RBFOX1: variants seen among roughly 807,000 people sequenced by gnomAD.
RBFOX1 encodes the protein RNA binding protein fox-1 homolog 1.
RBFOX1 carries 8 observed loss-of-function variants against 57.7 expected under a neutral mutation model. That is an observed-to-expected ratio of 0.14 (90% CI 0.08 to 0.25). The LOEUF is 0.25. RBFOX1 is among the 10% of genes least tolerant of loss of function. The pLI, the probability that RBFOX1 is intolerant of heterozygous loss-of-function variation, is 1.00. For synonymous variants in RBFOX1, 326 were observed against 222.4 expected (o/e 1.47, Z -4.15); for missense variants, 611 against 548.5 (o/e 1.11, Z -1.14).
intron 1 of RBFOX1, among the ~76,000 whole-genome samples, chr16:6,249,805 A>C (rs1205978428): frequency 7.5e-6 from 1 of 133,638 alleles, no homozygotes; most frequent in Non-Finnish European, 1.6e-5. Context: ...TTTAAGTTTT[A>C]GGGTACGTGT....
intron 3 of RBFOX1, among the ~76,000 whole-genome samples, chr16:6,661,787 C>T (rs1190174400): frequency 6.6e-6 from 1 of 152,200 alleles, no homozygotes; most frequent in Non-Finnish European, 1.5e-5. Flanking sequence ...ATGCAACTGT[C>T]TCTTTGAAAT....
At chr16:6,549,537 A>G (rs1375004885) in intron 2 of RBFOX1, among the ~76,000 whole-genome samples, 47 of 55,178 alleles carry the variant, frequency 8.5e-4, no homozygotes, top group South Asian at 7.5e-3. Flanking sequence ...GAGGAGGAGG[A>G]GGGGAGGAGG....
At chr16:5,411,298 G>A (rs1014142639) in intron 1 of RBFOX1, among the ~76,000 whole-genome samples, 28 of 152,340 alleles carry the variant, frequency 1.8e-4, no homozygotes, top group African/African-American at 6.3e-4. Flanking sequence ...CTGGGTGAGT[G>A]CAGTGAAATC....
chr16:7,634,978 G>T (rs78326452), intron 11 of RBFOX1, among the ~76,000 whole-genome samples: 1 of 152,152 alleles, frequency 6.6e-6, no homozygotes, highest in South Asian at 2.1e-4. Context: ...TAACAGAAAG[G>T]TTTAGTGAAA....
chr16:5,967,128 GT>G (rs1376153246), intron 4 of RBFOX1, among the ~76,000 whole-genome samples: 3 of 152,110 alleles, frequency 2.0e-5, no homozygotes, highest in Non-Finnish European at 4.4e-5. Flanking sequence ...GCAGAGTTGG[GT>G]AGTTGCAACA....
intron 4 of RBFOX1, among the ~76,000 whole-genome samples, chr16:7,176,209 A>G (rs2081614778): frequency 9.3e-6 from 1 of 107,552 alleles, no homozygotes; most frequent in South Asian, 3.4e-4. Flanking sequence ...AAACTGTAAA[A>G]TGAGATTAAT....
In RBFOX1 at chr16:5,977,713, G is replaced by C. The variant is rs138347935; in HGVS notation, c.351+110378G>C. ...CTGTTTTGAACTGCAAGAAAAGTTA[G>C]AAGAGTGCTCCAATCCAAAGATACA... On this transcript the variant is annotated intron_variant, in intron 4 of 19. Coordinates refer to the RBFOX1 transcript ENST00000641259. Among the ~76,000 whole-genome samples, 464 of 152,228 alleles carry C rather than the reference G, an allele frequency of 3.0e-3. 1 individual carries two copies. The highest frequency in any genetic ancestry group is 0.01 in the African/African-American group (424 of 41,544).
chr16:5,505,257 G>A (rs2043341338), intron 2 of RBFOX1, among the ~76,000 whole-genome samples: 2 of 152,170 alleles, frequency 1.3e-5, no homozygotes, highest in African/African-American at 2.4e-5. Flanking sequence ...TGTGCTTAAC[G>A]CAGGGGGCGT....
intron 4 of RBFOX1, among the ~76,000 whole-genome samples, chr16:7,230,835 G>C (rs1260589805): frequency 1.3e-5 from 2 of 152,190 alleles, no homozygotes; most frequent in African/African-American, 4.8e-5. Context: ...CTGCAGAGCT[G>C]ATACTGCAGA....
intron 3 of RBFOX1, among the ~76,000 whole-genome samples, chr16:6,892,273 A>G (rs1303983580): frequency 6.6e-6 from 1 of 152,152 alleles, no homozygotes; most frequent in African/African-American, 2.4e-5. Context: ...TAACGAATGT[A>G]TTTTAGACAA....
chr16:7,279,138 T>C (rs1203979711), intron 4 of RBFOX1, among the ~76,000 whole-genome samples: 3 of 151,886 alleles, frequency 2.0e-5, no homozygotes, highest in Non-Finnish European at 4.4e-5. Context: ...TTCTTTCTTT[T>C]TTTTTTAAAC....
At position 6,713,875 on chromosome 16, in the gene RBFOX1, C is replaced by G. The variant is rs923254457; in HGVS notation, c.-16+59225C>G. Reference sequence around the variant, plus strand: ...CTTGGTAAGACTTGGGGACTGATAGCATGTGGAGAATTTGGACAGGAAGAT... The same window carrying G: ...CTTGGTAAGACTTGGGGACTGATAGGATGTGGAGAATTTGGACAGGAAGAT... On this transcript the variant is annotated intron_variant, in intron 3 of 15. Transcript: ENST00000550418. Among the ~76,000 whole-genome samples the G allele has an allele frequency of 2.0e-5, 3 of 152,154 alleles. No homozygotes were observed. In the South Asian group the frequency reaches 6.2e-4, roughly 32 times the overall value.
chr16:5,393,556 CT>C, intron 1 of RBFOX1, among the ~76,000 whole-genome samples: 1 of 152,328 alleles, frequency 6.6e-6, no homozygotes, highest in South Asian at 2.1e-4. Context: ...GGATTTTGTC[CT>C]GCTCAATGGC....
intron 4 of RBFOX1, among the ~76,000 whole-genome samples, chr16:7,202,972 G>C (rs939333812): frequency 6.6e-5 from 10 of 152,236 alleles, no homozygotes; most frequent in Admixed American, 2.0e-4. Context: ...ATTTTTAGTA[G>C]AGATGGGATT....
rs1181614275 is a variant in RBFOX1, at chr16:6,819,705, C to CAAAAAAAAAAAA, written c.-16+165070_-16+165081dup. On this transcript the variant is annotated intron_variant, in intron 3 of 15. Coordinates refer to ENST00000550418, the MANE Select transcript of RBFOX1 (RefSeq NM_018723.4). ...GGGCAACAAGAGTGAAACTCTGACT[C>CAAAAAAAAAAAA]AAAAAAAAAAAAAAAAAAAAAAAAA... is the stretch of plus-strand genomic sequence containing the variant. Among the ~76,000 whole-genome samples, 3 of 20,632 alleles carry CAAAAAAAAAAAA rather than the reference C, an allele frequency of 1.5e-4. 1 individual carries two copies. Among genetic ancestry groups the CAAAAAAAAAAAA allele is most frequent in the Admixed American group, 1.6e-3 (2 of 1,242 alleles). The allele number at this position is 20,632 out of a possible 152,430, so 13.5% of individuals were successfully genotyped here.
At chr16:7,017,798 G>GGT (rs1172627787) in intron 3 of RBFOX1, among the ~76,000 whole-genome samples, 1 of 152,096 alleles carries the variant, frequency 6.6e-6, no homozygotes, top group Non-Finnish European at 1.5e-5. Context: ...AGAACATCGT[G>GGT]GTGTGCTTAA....
intron 3 of RBFOX1, among the ~76,000 whole-genome samples, chr16:5,690,812 T>A (rs2151458852): frequency 6.6e-6 from 1 of 152,294 alleles, no homozygotes; most frequent in East Asian, 1.9e-4. Flanking sequence ...TAGGCTGAAG[T>A]TTCCTGATGA....
chr16:7,004,424 G>T (rs768907317), intron 3 of RBFOX1, among the ~76,000 whole-genome samples: 1 of 152,148 alleles, frequency 6.6e-6, no homozygotes, highest in African/African-American at 2.4e-5. Context: ...AAGCTGGTCA[G>T]CATTTGGCTC....
chr16:7,710,666 C>A lies in RBFOX1; in HGVS notation c.1115C>A (p.Ala372Asp). 6.2e-7 allele frequency: 1 copy of A among 1,613,530 alleles called. No individual in the cohort carries two copies. Among genetic ancestry groups the A allele is most frequent in the Non-Finnish European group, 8.5e-7 (1 of 1,179,706 alleles). Reference sequence around the variant, plus strand: ...ACTGATGCCAAGACTAGGAGCCATGCTGATGATGTGGGTCTCGTTCTTTCT... The same window carrying A: ...ACTGATGCCAAGACTAGGAGCCATGATGATGATGTGGGTCTCGTTCTTTCT... ...PLTDAKTRSH[A>D]DDVGLVLSSL... Residue 372 changes from alanine (A) to aspartate (D), a missense_variant, in exon 16 of 16, where the codon GCT becomes GAT. Physicochemically the swap from Ala to Asp is moderately radical, Grantham distance 126. Coordinates refer to ENST00000550418, the MANE Select transcript of RBFOX1 (RefSeq NM_018723.4).
Sources: allele counts gnomAD v4.1 joint callset (sites outside exome capture counted in the v4.1 genomes callset), GRCh38; gene constraint gnomAD v4.1.1; transcripts MANE v1.5; gene names NCBI Gene and HGNC (gene_info 2026-07-23, HGNC 2026-07-21).